Variants in HS6ST3 observed in about 807,000 individuals in gnomAD.
HS6ST3 encodes heparan-sulfate 6-O-sulfotransferase 3.
HS6ST3 carries 12 observed loss-of-function variants against 36.7 expected under a neutral mutation model. The ratio of observed to expected loss-of-function variants is 0.33; its 90% confidence interval spans 0.21 to 0.53. HS6ST3 has a LOEUF of 0.53. Ranked by LOEUF, HS6ST3 falls within the 20% of genes least tolerant of loss-of-function variation. The pLI is 0.95. For missense variants in HS6ST3, 584 were observed against 640.9 expected (o/e 0.91, Z 0.96); for synonymous variants, 240 against 257.5 (o/e 0.93, Z 0.65).
intron 1 of HS6ST3, among the ~76,000 whole-genome samples, chr13:96,527,125 G>A (rs1421907122): frequency 6.6e-6 from 1 of 151,564 alleles, no homozygotes. Context: ...GTGTCTTGCT[G>A]GGTCACCCAG....
At chr13:96,332,219 T>A (rs1027298272) in intron 1 of HS6ST3, among the ~76,000 whole-genome samples, 4 of 152,142 alleles carry the variant, frequency 2.6e-5, no homozygotes, top group African/African-American at 9.7e-5. Context: ...CATTTTTTCC[T>A]GTTTTGTTTT....
At chr13:96,370,831 G>A (rs527689282) in intron 1 of HS6ST3, among the ~76,000 whole-genome samples, 1 of 152,296 alleles carries the variant, frequency 6.6e-6, no homozygotes, top group African/African-American at 2.4e-5. Flanking sequence ...CCTGGAAATG[G>A]AGGTTGCAGT....
intron 1 of HS6ST3, among the ~76,000 whole-genome samples, chr13:96,259,977 T>C (rs1334721377): frequency 6.6e-6 from 1 of 152,156 alleles, no homozygotes; most frequent in Non-Finnish European, 1.5e-5. Flanking sequence ...TTCTTGGTGG[T>C]GCCCTCACTT....
intron 1 of HS6ST3, among the ~76,000 whole-genome samples, chr13:96,336,081 TATAG>T (rs2055099435): frequency 6.6e-6 from 1 of 152,218 alleles, no homozygotes; most frequent in Admixed American, 6.5e-5. Flanking sequence ...GGAAATGATA[TATAG>T]AGAGTATTAC....
intron 1 of HS6ST3, among the ~76,000 whole-genome samples, chr13:96,095,422 G>T (rs1319965308): frequency 6.6e-6 from 1 of 152,162 alleles, no homozygotes; most frequent in Non-Finnish European, 1.5e-5. Flanking sequence ...CATTAGTTTT[G>T]TTAGAATAGT....
chr13:96,365,941 C>T (rs939657500), intron 1 of HS6ST3, among the ~76,000 whole-genome samples: 9 of 152,014 alleles, frequency 5.9e-5, no homozygotes, highest in East Asian at 1.9e-4. Context: ...TTTAGTAAGA[C>T]GACTCCATAA....
intron 1 of HS6ST3, among the ~76,000 whole-genome samples, chr13:96,403,700 G>T (rs1327609755): frequency 1.3e-5 from 2 of 152,148 alleles, no homozygotes; most frequent in African/African-American, 4.8e-5. Flanking sequence ...CGGGGGACAG[G>T]TTGGGGGAAG....
At chr13:96,391,800 A>T (rs111345081) in intron 1 of HS6ST3, among the ~76,000 whole-genome samples, 1 of 152,146 alleles carries the variant, frequency 6.6e-6, no homozygotes, top group Non-Finnish European at 1.5e-5. Flanking sequence ...CCACGATTCA[A>T]TCACCTCCCA....
At chr13:96,397,800 A>G (rs942609266) in intron 1 of HS6ST3, among the ~76,000 whole-genome samples, 4 of 152,246 alleles carry the variant, frequency 2.6e-5, no homozygotes, top group Non-Finnish European at 5.9e-5. Context: ...GTAAGCACTT[A>G]CAGTGTGTGA....
chr13:96,479,103 G>A (rs1294034011), intron 1 of HS6ST3, among the ~76,000 whole-genome samples: 1 of 152,294 alleles, frequency 6.6e-6, no homozygotes, highest in African/African-American at 2.4e-5. Context: ...AGTGTCAAGG[G>A]GACAGGTGAT....
chr13:96,606,940 C>A (rs2056441311), intron 1 of HS6ST3, among the ~76,000 whole-genome samples: 1 of 151,822 alleles, frequency 6.6e-6, no homozygotes, highest in Non-Finnish European at 1.5e-5. Flanking sequence ...AAAAAAGATT[C>A]AAGAGAAAAT....
chr13:96,461,250 T>C (rs1450674943), intron 1 of HS6ST3, among the ~76,000 whole-genome samples: 1 of 152,224 alleles, frequency 6.6e-6, no homozygotes, highest in African/African-American at 2.4e-5. Flanking sequence ...AATGAGAAGA[T>C]GTATAAACAG....
intron 1 of HS6ST3, among the ~76,000 whole-genome samples, chr13:96,493,016 A>T (rs1594792957): frequency 6.6e-6 from 1 of 152,194 alleles, no homozygotes; most frequent in Non-Finnish European, 1.5e-5. Context: ...TTGAGCGAGG[A>T]CAACTTTAAT....
chr13:96,317,368 AAAAT>A (rs1184759256), intron 1 of HS6ST3, among the ~76,000 whole-genome samples: 56 of 18,006 alleles, frequency 3.1e-3, no homozygotes, highest in East Asian at 9.5e-3. Flanking sequence ...ATATATATAT[AAAAT>A]TATATATATA....
intron 1 of HS6ST3, among the ~76,000 whole-genome samples, chr13:96,819,976 T>C (rs72646757): frequency 0.083 from 12,568 of 152,068 alleles, 615 homozygotes; most frequent in Non-Finnish European, 0.11. Flanking sequence ...CTTGGGAGGC[T>C]GAGACAGGTG....
At chr13:96,317,326 T>TTATATATATATATA (rs537839404) in intron 1 of HS6ST3, among the ~76,000 whole-genome samples, 1 of 96,950 alleles carries the variant, frequency 1.0e-5, no homozygotes. Context: ...TAGTATTCCA[T>TTATATATATATATA]TATATATATA....
chr13:96,406,739 A>C (rs2055480484), intron 1 of HS6ST3, among the ~76,000 whole-genome samples: 3 of 152,142 alleles, frequency 2.0e-5, no homozygotes, highest in Admixed American at 2.0e-4. Context: ...GGGTGGGGAG[A>C]ATGCAGATCT....
chr13:96,429,712 T>C (rs911843301), intron 1 of HS6ST3, among the ~76,000 whole-genome samples: 3 of 152,224 alleles, frequency 2.0e-5, no homozygotes, highest in African/African-American at 7.2e-5. Context: ...AAGTGGTTTT[T>C]AAGCTTAAAT....
chr13:96,437,186 G>A (rs2055647126), intron 1 of HS6ST3, among the ~76,000 whole-genome samples: 2 of 152,128 alleles, frequency 1.3e-5, no homozygotes, highest in South Asian at 2.1e-4. Flanking sequence ...AACTCAAGAT[G>A]CCTCCCTGTT....
Sources: gnomAD v4.1 joint callset for allele counts (sites outside exome capture counted in the v4.1 genomes callset) on GRCh38, gnomAD v4.1.1 for gene constraint, MANE v1.5 for transcripts, NCBI Gene and HGNC (gene_info 2026-07-23, HGNC 2026-07-21) for gene names.